PCNA: variants seen among roughly 807,000 people sequenced by gnomAD.
The protein encoded by PCNA is DNA sliding clamp PCNA.
PCNA carries 4 observed loss-of-function variants against 27.8 expected under a neutral mutation model. That is an observed-to-expected ratio of 0.14 (90% CI 0.07 to 0.33). PCNA has a LOEUF of 0.33. Among genes scored for constraint, PCNA ranks in the 10% least tolerant of loss-of-function variants. The probability of loss-of-function intolerance (pLI) is 1.00; values close to 1 mark genes in which losing one functional copy is unlikely to be tolerated. For synonymous variants in PCNA, 121 were observed against 119.4 expected (o/e 1.01, Z -0.09); for missense variants, 165 against 327.4 (o/e 0.50, Z 3.83).
chr20:5,115,474 G>A lies in PCNA; in HGVS notation c.681C>T (p.Leu227=). The A allele has an allele frequency of 6.2e-7, 1 of 1,614,048 alleles. No individual in the cohort carries two copies. Among genetic ancestry groups the A allele is most frequent in the African/African-American group, 1.3e-5 (1 of 75,058 alleles). Residue 227 remains leucine, a synonymous_variant, in exon 5 of 6, where the codon CTC becomes CTT. Transcript: ENST00000379143. ...CAAGGGGTACATCTGCAGACATACT[G>A]AGTGTCACCGTTGAAGAGAGTGGAG... ...KATPLSSTVT[L]SMSADVPLVV... is the part of the protein sequence containing the mutation.
chr20:5,124,647 CAAACAAAAAGA>C (rs1319829267), upstream of PCNA, among the ~76,000 whole-genome samples: 36 of 150,700 alleles, frequency 2.4e-4, 1 homozygote, highest in South Asian at 7.4e-3. Flanking sequence ...AAACAAAAAA[CAAACAAAAAGA>C]AAACAAAAAA....
At chr20:5,117,709 A>G (rs1219397281) in intron 3 of PCNA, 45 bp from the exon 4 acceptor site, 1 of 1,255,790 alleles carries the variant, frequency 8.0e-7, no homozygotes, top group Non-Finnish European at 1.1e-6. Context: ...TTAGAAATTT[A>G]ATGATTTGGC....
At chr20:5,116,573 C>T (rs1020501550) in intron 4 of PCNA, among the ~76,000 whole-genome samples, 1 of 152,118 alleles carries the variant, frequency 6.6e-6, no homozygotes, top group Non-Finnish European at 1.5e-5. Flanking sequence ...TTAATGCTAC[C>T]GTATTTAATC....
chr20:5,125,028 CA>C (rs1229490821), intron 1 of PCNA, among the ~76,000 whole-genome samples: 1 of 152,188 alleles, frequency 6.6e-6, no homozygotes, highest in Non-Finnish European at 1.5e-5. Flanking sequence ...TAGACACTAA[CA>C]TCTTCACCTG....
rs1421340775 is a variant in PCNA, at chr20:5,115,535, A to G, written c.620T>C (p.Phe207Ser). 1 of 1,613,912 alleles carries G rather than the reference A, an allele frequency of 6.2e-7. No individual in the cohort carries two copies. The highest frequency in any genetic ancestry group is 1.3e-5 in the African/African-American group (1 of 74,948). ...AAAGAAGTTCAGGTACCTCAGTGCA[A>G]AAGTTAGTTGAACTGGTTCATTCAT... ...IEMNEPVQLT[F>S]ALRYLNFFTK... Residue 207 changes from phenylalanine to serine, a missense_variant, in exon 5 of 6, where the codon TTT (phenylalanine) becomes TCT (serine). By Grantham distance (155) the Phe-to-Ser change is radical. Coordinates refer to ENST00000379143, the MANE Select transcript of PCNA (RefSeq NM_182649.2).
At chr20:5,117,697 T>G in intron 3 of PCNA, 33 bp from the exon 4 acceptor site, 1 of 1,402,306 alleles carries the variant, frequency 7.1e-7, no homozygotes, top group Non-Finnish European at 9.7e-7. Context: ...AAAAGTTAAT[T>G]GTTAGAAATT....
intron 3 of PCNA, among the ~76,000 whole-genome samples, chr20:5,117,877 A>C (rs1341208892): frequency 6.6e-6 from 1 of 152,222 alleles, no homozygotes; most frequent in African/African-American, 2.4e-5. Context: ...CCTCCTCCTC[A>C]TCCTCCAGGG....
chr20:5,115,190 A>T lies in PCNA; in HGVS notation c.*93T>A. ...TATCTACATATGTACTTAGAGGTACAAATTTGGTGACAGAAAAGACTTCAG... is the reference window on the plus strand; with the variant it reads ...TATCTACATATGTACTTAGAGGTACTAATTTGGTGACAGAAAAGACTTCAG... On this transcript the variant is annotated 3_prime_UTR_variant, in exon 6 of 6. Coordinates refer to ENST00000379143, the MANE Select transcript of PCNA (RefSeq NM_182649.2). 1 of 864,140 alleles carries T rather than the reference A, an allele frequency of 1.2e-6. No individual in the cohort carries two copies. The highest frequency in any genetic ancestry group is 1.5e-5 in the South Asian group (1 of 66,666). The allele number at this position is 864,140 out of a possible 1,614,324, so 53.5% of individuals were successfully genotyped here.
At chr20:5,125,392 C>T (rs1248005907) in intron 1 of PCNA, among the ~76,000 whole-genome samples, 2 of 151,716 alleles carry the variant, frequency 1.3e-5, no homozygotes, top group Admixed American at 6.6e-5. Context: ...GAGACCTAGG[C>T]GGGAGGATCT....
intron 4 of PCNA, among the ~76,000 whole-genome samples, chr20:5,117,070 G>A (rs555709682): frequency 3.9e-5 from 6 of 152,234 alleles, no homozygotes; most frequent in Admixed American, 2.0e-4. Flanking sequence ...CTAATATTAG[G>A]ATTACATAAG....
In PCNA at chr20:5,119,942, G is replaced by A. The variant is rs1301515421; in HGVS notation, c.-144C>T. On this transcript the variant is annotated 5_prime_UTR_variant, in exon 1 of 6. Coordinates refer to ENST00000379143, the MANE Select transcript of PCNA (RefSeq NM_182649.2). ...AGAAAGACAACGACCACTCTGCTAC[G>A]CCTGCAACCGTTTAATGCCGCCGCG... 3.1e-6 allele frequency: 2 copies of A among 654,090 alleles called. No individual in the cohort carries two copies. The highest frequency in any genetic ancestry group is 1.9e-5 in the South Asian group (1 of 53,754). 40.5% of individuals were successfully genotyped at this position (654,090 alleles called of 1,614,324 possible).
chr20:5,121,828 T>C (rs146755820), upstream of PCNA, among the ~76,000 whole-genome samples: 743 of 152,206 alleles, frequency 4.9e-3, 8 homozygotes, highest in African/African-American at 0.017. Context: ...GGTCCCACTA[T>C]GTCGCTCTGG....
chr20:5,124,800 GGC>G (rs1252565014), upstream of PCNA, among the ~76,000 whole-genome samples: 13 of 152,034 alleles, frequency 8.6e-5, no homozygotes, highest in African/African-American at 3.1e-4. Flanking sequence ...AACCTGAGAG[GGC>G]TGAGTGTAAT....
At chr20:5,115,917 A>G (rs1179053383) in intron 4 of PCNA, among the ~76,000 whole-genome samples, 2 of 152,190 alleles carry the variant, frequency 1.3e-5, no homozygotes, top group African/African-American at 4.8e-5. Context: ...CTAACATTGC[A>G]AACACATCCA....
In PCNA at chr20:5,119,535, T is replaced by C. The variant is rs918838700; in HGVS notation, c.221+43A>G. The C allele has an allele frequency of 5.9e-6, 9 of 1,517,110 alleles. No homozygotes were observed. In the Admixed American group the frequency reaches 7.1e-5, roughly 12 times the overall value. The allele number at this position is 1,517,110 out of a possible 1,614,324, so 94.0% of individuals were successfully genotyped here. A position where few individuals can be genotyped will look rare whatever the true frequency, so the allele number is the denominator to read the frequency against. On this transcript the variant is annotated intron_variant, in intron 1 of 5. Coordinates refer to ENST00000379143, the MANE Select transcript of PCNA (RefSeq NM_182649.2). ...AAGCGCTCCCGCCAAGCACCGGAGGTGCAGGCGGGCCGGGGCCGGCTTCCC... is the reference window on the plus strand; with the variant it reads ...AAGCGCTCCCGCCAAGCACCGGAGGCGCAGGCGGGCCGGGGCCGGCTTCCC...
chr20:5,117,390 T>C (rs1194651056), intron 4 of PCNA, 80 bp downstream of exon 4: 1 of 978,502 alleles, frequency 1.0e-6, no homozygotes, highest in African/African-American at 1.6e-5. Flanking sequence ...TTCTGTCTAC[T>C]TTTAATTTTA....
In PCNA at chr20:5,119,458, G is replaced by A. The variant is rs955901866; in HGVS notation, c.221+120C>T. On this transcript the variant is annotated intron_variant, in intron 1 of 5. Coordinates refer to ENST00000379143, the MANE Select transcript of PCNA (RefSeq NM_182649.2). ...TGGGCCCCACCCCACTGCGTGGCAG[G>A]CCAATGAGAAGGCGCGGATGGCCCA... is the stretch of plus-strand genomic sequence containing the variant. The A allele has an allele frequency of 9.6e-5, 75 of 781,452 alleles. No homozygotes were observed. The East Asian group carries it at 1.7e-3, about 18-fold the overall frequency. The allele number at this position is 781,452 out of a possible 1,614,324, so 48.4% of individuals were successfully genotyped here. A position where few individuals can be genotyped will look rare whatever the true frequency, so the allele number is the denominator to read the frequency against.
chr20:5,125,803 C>G (rs1465370611), intron 1 of PCNA, among the ~76,000 whole-genome samples: 2 of 152,294 alleles, frequency 1.3e-5, no homozygotes, highest in East Asian at 3.9e-4. Flanking sequence ...TGGCTAAGGT[C>G]CTTTTAAAAG....
At position 5,119,640 on chromosome 20, in the gene PCNA, C is replaced by T. The variant is rs1381964532; in HGVS notation, c.159G>A (p.Arg53=). ...SHVSLVQLTL[R]SEGFDTYRCD... ...AGCGGTAGGTGTCGAAGCCCTCAGA[C>T]CGCAGGGTGAGCTGCACCAAAGAGA... is the stretch of plus-strand genomic sequence containing the variant. The change falls in exon 1 of 6, where the codon CGG becomes CGA. Residue 53 remains arginine, a synonymous_variant. Transcript: ENST00000379143. 3.1e-6 allele frequency: 5 copies of T among 1,613,802 alleles called. No individual in the cohort carries two copies. The highest frequency in any genetic ancestry group is 2.5e-6 in the Non-Finnish European group (3 of 1,179,918).
Sources: gnomAD v4.1 joint callset for allele counts (sites outside exome capture counted in the v4.1 genomes callset) on GRCh38, gnomAD v4.1.1 for gene constraint, MANE v1.5 for transcripts, NCBI Gene and HGNC (gene_info 2026-07-23, HGNC 2026-07-21) for gene names.